BEND7: variants seen among roughly 807,000 people sequenced by gnomAD.
BEND7 encodes the protein BEN domain containing 7.
In BEND7, 28 loss-of-function variants were observed where a neutral mutation model predicts 50.9. The ratio of observed to expected loss-of-function variants is 0.55; its 90% CI spans 0.41 to 0.75. BEND7 has a LOEUF of 0.75. Among genes scored for constraint, BEND7 ranks in the 30% least tolerant of loss-of-function variants. The probability of loss-of-function intolerance (pLI) is 0.00; values close to 1 mark genes in which losing one functional copy is unlikely to be tolerated. For missense variants in BEND7, 477 were observed against 491.3 expected (o/e 0.97, Z 0.28); for synonymous variants, 170 against 183.9 (o/e 0.92, Z 0.61).
chr10:13,468,073 A>G (rs2074433048), intron 6 of BEND7, among the ~76,000 whole-genome samples: 2 of 152,198 alleles, frequency 1.3e-5, no homozygotes, highest in African/African-American at 2.4e-5. Context: ...TGTTTTCCCA[A>G]TGAGATAATT....
At chr10:13,440,684 G>A (rs944075319), downstream of BEND7, among the ~76,000 whole-genome samples, 31 of 152,260 alleles carry the variant, frequency 2.0e-4, no homozygotes, top group African/African-American at 7.0e-4. Flanking sequence ...GGAAGCGAGC[G>A]ATTCTGCGGC....
chr10:13,526,116 A>G (rs2132801748), intron 2 of BEND7, 22 bp downstream of exon 2: 6 of 1,223,424 alleles, frequency 4.9e-6, no homozygotes, highest in South Asian at 1.3e-5. Flanking sequence ...TTGCTGAGGT[A>G]TTAATTGACA....
chr10:13,439,215 G>A (rs773172594), downstream of BEND7: 33 of 1,614,086 alleles, frequency 2.0e-5, no homozygotes, highest in South Asian at 3.6e-4. Flanking sequence ...AGACTTGGCT[G>A]AGCCTGGCGT....
At position 13,441,567 on chromosome 10, in the gene BEND7, T is replaced by A; in HGVS notation, c.*176A>T. The A allele has an allele frequency of 6.9e-7, 1 of 1,452,038 alleles. No homozygotes were observed. The highest frequency in any genetic ancestry group is 9.1e-7 in the Non-Finnish European group (1 of 1,102,668). 89.9% of individuals were successfully genotyped at this position (1,452,038 alleles called of 1,614,324 possible). Reference sequence around the variant, plus strand: ...CAGCAGATCTCTTAACAGACCACAGTTGGAAGTTAGCGTTTCTGCCTTGAC... The same window carrying A: ...CAGCAGATCTCTTAACAGACCACAGATGGAAGTTAGCGTTTCTGCCTTGAC... On this transcript the variant is annotated 3_prime_UTR_variant, in exon 9 of 9. Coordinates refer to ENST00000466271, the MANE Select transcript of BEND7 (RefSeq NM_001369863.1).
At chr10:13,445,899 C>G (rs1324074506) in intron 8 of BEND7, 1 of 152,186 alleles carries the variant, frequency 6.6e-6, no homozygotes, top group Non-Finnish European at 1.5e-5. Flanking sequence ...TGGTGCTCCC[C>G]TGAAGGGCCT....
chr10:13,509,357 C>T (rs2078116119), intron 2 of BEND7, among the ~76,000 whole-genome samples: 2 of 152,304 alleles, frequency 1.3e-5, no homozygotes, highest in African/African-American at 4.8e-5. Flanking sequence ...CCCTGGGCCC[C>T]AGCACTGGGC....
chr10:13,471,419 A>T (rs963148163), intron 6 of BEND7, among the ~76,000 whole-genome samples: 1 of 152,248 alleles, frequency 6.6e-6, no homozygotes, highest in Non-Finnish European at 1.5e-5. Flanking sequence ...TCAACTGAAC[A>T]AGTGTTTCAA....
chr10:13,517,730 C>T (rs1283784901), intron 2 of BEND7, among the ~76,000 whole-genome samples: 1 of 152,088 alleles, frequency 6.6e-6, no homozygotes, highest in Non-Finnish European at 1.5e-5. Context: ...GGCAACAGAG[C>T]GAGAGCCTGT....
intron 6 of BEND7, among the ~76,000 whole-genome samples, chr10:13,475,332 C>T (rs889324228): frequency 2.6e-5 from 4 of 152,222 alleles, no homozygotes; most frequent in Admixed American, 2.6e-4. Flanking sequence ...TAGTCACCTT[C>T]CCAAAGGATT....
intron 6 of BEND7, among the ~76,000 whole-genome samples, chr10:13,475,305 G>A (rs1378668647): frequency 6.6e-6 from 1 of 152,190 alleles, no homozygotes; most frequent in Non-Finnish European, 1.5e-5. Context: ...ATATGAATAG[G>A]TAAATTAACA....
At chr10:13,479,511 A>G (rs917825790) in intron 6 of BEND7, among the ~76,000 whole-genome samples, 7 of 151,472 alleles carry the variant, frequency 4.6e-5, no homozygotes, top group Non-Finnish European at 1.0e-4. Flanking sequence ...TGCCCTGGGG[A>G]AAAAAAAAGA....
chr10:13,456,971 A>G (rs569257378), intron 6 of BEND7, among the ~76,000 whole-genome samples: 1 of 152,228 alleles, frequency 6.6e-6, no homozygotes, highest in Non-Finnish European at 1.5e-5. Context: ...AAGGTTCTTG[A>G]AGTCCTGTTT....
At chr10:13,448,539 A>G (rs1231160795) in intron 7 of BEND7, among the ~76,000 whole-genome samples, 1 of 152,130 alleles carries the variant, frequency 6.6e-6, no homozygotes, top group Non-Finnish European at 1.5e-5. Context: ...GGCTAGAAAT[A>G]TTGTATGGCT....
At chr10:13,447,588 G>A (rs1836671074) in intron 7 of BEND7, among the ~76,000 whole-genome samples, 2 of 136,018 alleles carry the variant, frequency 1.5e-5, no homozygotes, top group Admixed American at 8.3e-5. Context: ...CTGTCGCCCA[G>A]GCTGGAGTGC....
intron 5 of BEND7, among the ~76,000 whole-genome samples, chr10:13,490,368 T>C (rs2076561866): frequency 6.6e-6 from 1 of 152,246 alleles, no homozygotes; most frequent in East Asian, 1.9e-4. Context: ...CTGAAAAGCC[T>C]GCACTGCTCT....
intron 2 of BEND7, among the ~76,000 whole-genome samples, chr10:13,501,990 A>G (rs1159908354): frequency 6.6e-6 from 1 of 151,116 alleles, no homozygotes; most frequent in African/African-American, 2.4e-5. Flanking sequence ...CTACAAATAC[A>G]CACAGCACAT....
chr10:13,472,917 A>G (rs2075028299), intron 6 of BEND7, among the ~76,000 whole-genome samples: 1 of 150,594 alleles, frequency 6.6e-6, no homozygotes, highest in Non-Finnish European at 1.5e-5. Flanking sequence ...TCACTGTTAC[A>G]CTCAGGGCCA....
intron 2 of BEND7, among the ~76,000 whole-genome samples, chr10:13,504,000 T>A (rs553841705): frequency 3.3e-4 from 50 of 152,254 alleles, no homozygotes; most frequent in African/African-American, 1.2e-3. Flanking sequence ...GGGGCTCTAC[T>A]CCACAGCAGG....
intron 4 of BEND7, among the ~76,000 whole-genome samples, chr10:13,495,225 C>A (rs2076945798): frequency 6.6e-6 from 1 of 152,206 alleles, no homozygotes; most frequent in African/African-American, 2.4e-5. Flanking sequence ...AGTAACCTTT[C>A]TTTCTGAGCT....
Sources: allele counts gnomAD v4.1 joint callset (sites outside exome capture counted in the v4.1 genomes callset), GRCh38; gene constraint gnomAD v4.1.1; transcripts MANE v1.5; gene names NCBI Gene and HGNC (gene_info 2026-07-23, HGNC 2026-07-21).